DSCAML1: variants seen among roughly 807,000 people sequenced by gnomAD.
DSCAML1 encodes the protein cell adhesion molecule DSCAML1.
In DSCAML1, 38 loss-of-function variants were observed where a neutral mutation model predicts 200.5. The ratio of observed to expected loss-of-function variants is 0.19; its 90% CI spans 0.15 to 0.25. The LOEUF (loss-of-function observed/expected upper bound fraction) is 0.25. Among genes scored for constraint, DSCAML1 ranks in the 10% least tolerant of loss-of-function variants. The pLI, the probability that DSCAML1 is intolerant of heterozygous loss-of-function variation, is 1.00. For synonymous variants in DSCAML1, 1,215 were observed against 1,165.0 expected (o/e 1.04, Z -0.87); for missense variants, 2,223 against 2,858.8 (o/e 0.78, Z 5.07).
intron 8 of DSCAML1, among the ~76,000 whole-genome samples, chr11:117,515,432 G>A (rs1033494829): frequency 6.6e-6 from 1 of 152,026 alleles, no homozygotes. Context: ...TGGGGGTTTC[G>A]AAGACCTTCG....
chr11:117,642,707 G>A lies in DSCAML1; in HGVS notation c.512-110185C>T, dbSNP rs962547171. Among the ~76,000 whole-genome samples the A allele has an allele frequency of 1.7e-4, 26 of 152,296 alleles. No individual in the cohort carries two copies. The highest frequency in any genetic ancestry group is 4.3e-4 in the African/African-American group (18 of 41,564). On this transcript the variant is annotated intron_variant, in intron 3 of 32. Transcript: ENST00000651296. This position sits in a 1 kb window ranked among gnomAD's most constrained non-coding sequence, Gnocchi z 4.1. ...GCTTCTTGGGCCAGTGGATTGTCACGATCCTGGCTCAGATGAAGACGTCAG... is the reference window on the plus strand; with the variant it reads ...GCTTCTTGGGCCAGTGGATTGTCACAATCCTGGCTCAGATGAAGACGTCAG...
intron 3 of DSCAML1, among the ~76,000 whole-genome samples, chr11:117,771,208 G>A (rs2055033903): frequency 6.6e-6 from 1 of 152,130 alleles, no homozygotes; most frequent in African/African-American, 2.4e-5. Flanking sequence ...CTTCATGTCA[G>A]CCTGAACGAA....
At chr11:117,767,249 G>C (rs1161343678) in intron 3 of DSCAML1, among the ~76,000 whole-genome samples, 1 of 152,114 alleles carries the variant, frequency 6.6e-6, no homozygotes. Flanking sequence ...CTCAGGGTAT[G>C]GCCTTGGGAA....
Position 117,505,346 on chromosome 11 carries a change from G to A in DSCAML1, c.2062+108C>T, listed in dbSNP as rs1201137198. ...CTCCAACAGGCCCTTCAAGATGCTGGAGCCCACCTTCCATGAGCCCGTGAT... is the reference window on the plus strand; with the variant it reads ...CTCCAACAGGCCCTTCAAGATGCTGAAGCCCACCTTCCATGAGCCCGTGAT... On this transcript the variant is annotated intron_variant, in intron 9 of 32. Transcript: ENST00000651296. This position sits in a 1 kb window ranked among gnomAD's most constrained non-coding sequence, Gnocchi z 6.7. 1.4e-6 allele frequency: 2 copies of A among 1,448,064 alleles called. No individual in the cohort carries two copies. The highest frequency in any genetic ancestry group is 2.0e-5 in the Admixed American group (1 of 49,010). 89.7% of individuals were successfully genotyped at this position (1,448,064 alleles called of 1,614,324 possible).
At chr11:117,615,280 C>G (rs773623523) in intron 3 of DSCAML1, among the ~76,000 whole-genome samples, 1 of 152,156 alleles carries the variant, frequency 6.6e-6, no homozygotes, top group Non-Finnish European at 1.5e-5. Flanking sequence ...TGCCCTCCTA[C>G]CTGAGGAAGA....
Position 117,435,645 on chromosome 11 carries a change from T to G in DSCAML1, c.4875A>C (p.Arg1625=). ...AAGGCCCATAGGAAGCTCCCCCACC[T>G]CGGAGTCGCTTCAGCCGTTTCTCCT... is the stretch of plus-strand genomic sequence containing the variant. ...KRKEKRLKRL[R]DAKSLAEMLI... The change falls in exon 27 of 33, where the codon CGA becomes CGC. Residue 1625 remains arginine (R), a splice_region_variant and synonymous_variant. Transcript: ENST00000651296. The G allele has an allele frequency of 6.3e-7, 1 of 1,593,420 alleles. No individual in the cohort carries two copies. The highest frequency in any genetic ancestry group is 8.6e-7 in the Non-Finnish European group (1 of 1,163,414).
chr11:117,614,848 C>G (rs2051777549), intron 3 of DSCAML1, among the ~76,000 whole-genome samples: 1 of 152,230 alleles, frequency 6.6e-6, no homozygotes, highest in Admixed American at 6.5e-5. Flanking sequence ...GTAATGGTCA[C>G]TATGCAAGAT....
At chr11:117,781,015 C>T (rs60790095) in intron 1 of DSCAML1, among the ~76,000 whole-genome samples, 14,133 of 152,164 alleles carry the variant, frequency 0.093, 718 homozygotes, top group African/African-American at 0.13. Context: ...AAACCACAGC[C>T]TTCGGGTGCG....
chr11:117,598,207 T>G (rs1240419502), intron 3 of DSCAML1, among the ~76,000 whole-genome samples: 1 of 152,192 alleles, frequency 6.6e-6, no homozygotes, highest in Non-Finnish European at 1.5e-5. Flanking sequence ...GTAACAGATC[T>G]CCCTACCTTG....
At chr11:117,577,660 G>C (rs146563187) in intron 3 of DSCAML1, among the ~76,000 whole-genome samples, 11,180 of 150,404 alleles carry the variant, frequency 0.074, 1,368 homozygotes, top group African/African-American at 0.26. Flanking sequence ...TCTGCCTCCC[G>C]GGTTCAAGCA....
chr11:117,620,687 C>T (rs146595291), intron 3 of DSCAML1, among the ~76,000 whole-genome samples: 1 of 152,298 alleles, frequency 6.6e-6, no homozygotes, highest in African/African-American at 2.4e-5. Flanking sequence ...CATGGGATGC[C>T]CTCCCCATGG....
chr11:117,560,679 C>T (rs1272763658), intron 3 of DSCAML1, among the ~76,000 whole-genome samples: 2 of 152,138 alleles, frequency 1.3e-5, no homozygotes, highest in Admixed American at 1.3e-4. Flanking sequence ...GTGCAAGTTT[C>T]CTGAGTCCCT....
intron 8 of DSCAML1, among the ~76,000 whole-genome samples, chr11:117,513,602 G>A (rs903555091): frequency 5.9e-5 from 9 of 152,046 alleles, no homozygotes; most frequent in Non-Finnish European, 1.0e-4. Context: ...TTAGCTGGGC[G>A]TGGTGGCGTG....
intron 20 of DSCAML1, among the ~76,000 whole-genome samples, chr11:117,446,987 A>C (rs756532730): frequency 1.3e-5 from 2 of 152,190 alleles, no homozygotes; most frequent in African/African-American, 2.4e-5. Flanking sequence ...ATAAACAGCC[A>C]CTCAAGATCA....
At chr11:117,741,077 T>G (rs1300527157) in intron 3 of DSCAML1, among the ~76,000 whole-genome samples, 1 of 152,238 alleles carries the variant, frequency 6.6e-6, no homozygotes, top group Non-Finnish European at 1.5e-5. Context: ...TTTATAAATA[T>G]CCCTAGCAAT....
intron 21 of DSCAML1, among the ~76,000 whole-genome samples, chr11:117,443,368 G>A (rs73592191): frequency 6.6e-6 from 1 of 152,368 alleles, no homozygotes; most frequent in African/African-American, 2.4e-5. Flanking sequence ...CTCCCTAAGA[G>A]GGTCTGATTC....
intron 3 of DSCAML1, among the ~76,000 whole-genome samples, chr11:117,746,325 T>TATGGGCA (rs1394280000): frequency 3.6e-4 from 54 of 151,636 alleles, no homozygotes; most frequent in African/African-American, 1.2e-3. Context: ...GTGCCTTGGA[T>TATGGGCA]ATGGGCATTT....
chr11:117,755,495 G>GC (rs763161817), intron 3 of DSCAML1, among the ~76,000 whole-genome samples: 1 of 152,188 alleles, frequency 6.6e-6, no homozygotes. Context: ...ATCCATCCCT[G>GC]CCCCCCGTCT....
At position 117,489,720 on chromosome 11, in the gene DSCAML1, C is replaced by T; in HGVS notation, c.2360-7558G>A. Among the ~76,000 whole-genome samples the T allele has an allele frequency of 6.6e-6, 1 of 152,202 alleles. No homozygotes were observed. Among genetic ancestry groups the T allele is most frequent in the Non-Finnish European group, 1.5e-5 (1 of 68,020 alleles). On this transcript the variant is annotated intron_variant, in intron 11 of 32. Transcript: ENST00000651296. This position sits in a 1 kb window ranked among gnomAD's most constrained non-coding sequence, Gnocchi z 4.8. ...AAATTGGGGCATACTCTGGTGGAGGCCAAGGAGGCTTCCTGATGACTTCCA... is the reference window on the plus strand; with the variant it reads ...AAATTGGGGCATACTCTGGTGGAGGTCAAGGAGGCTTCCTGATGACTTCCA...
Sources: allele counts gnomAD v4.1 joint callset (sites outside exome capture counted in the v4.1 genomes callset), GRCh38; gene constraint gnomAD v4.1.1; non-coding constraint Gnocchi (gnomAD v3.1); transcripts MANE v1.5; gene names NCBI Gene and HGNC (gene_info 2026-07-23, HGNC 2026-07-21).